Variants in PIWIL4 observed in about 807,000 individuals in gnomAD.
PIWIL4 encodes the protein piwi like RNA-mediated gene silencing 4.
Under a neutral mutation model 100.9 loss-of-function variants are expected in PIWIL4, and 50 were observed. The ratio of observed to expected loss-of-function variants is 0.50; its 90% CI spans 0.39 to 0.63. The LOEUF (loss-of-function observed/expected upper bound fraction) is 0.63, where lower values mean the gene tolerates loss of function less well. Ranked by LOEUF, PIWIL4 falls within the 20% of genes least tolerant of loss-of-function variation. PIWIL4 has a pLI of 0.00. For synonymous variants in PIWIL4, 342 were observed against 367.5 expected (o/e 0.93, Z 0.79); for missense variants, 887 against 1,043.3 (o/e 0.85, Z 2.06).
At chr11:94,580,938 G>A (rs11824838) in intron 4 of PIWIL4, among the ~76,000 whole-genome samples, 1 of 134,598 alleles carries the variant, frequency 7.4e-6, no homozygotes. Flanking sequence ...TGCTCTTGTC[G>A]CCCAGGCTGG....
At chr11:94,595,177 G>A (rs1417391922) in intron 9 of PIWIL4, 132 bp from the exon 10 acceptor site, 6 of 638,582 alleles carry the variant, frequency 9.4e-6, no homozygotes, top group East Asian at 2.7e-5. Flanking sequence ...AATGACATAC[G>A]TGGTTTTCAT....
intron 11 of PIWIL4, among the ~76,000 whole-genome samples, chr11:94,598,277 C>A (rs188389557): frequency 6.6e-6 from 1 of 152,286 alleles, no homozygotes; most frequent in African/African-American, 2.4e-5. Context: ...TTTTCTGATA[C>A]CAAAACTGAG....
chr11:94,601,308 T>C (rs960355262), intron 11 of PIWIL4, among the ~76,000 whole-genome samples: 1 of 152,112 alleles, frequency 6.6e-6, no homozygotes, highest in Non-Finnish European at 1.5e-5. Flanking sequence ...AGTCCCTCCG[T>C]TTGGGGTCCC....
At chr11:94,578,246 G>A (rs1211195340) in intron 4 of PIWIL4, among the ~76,000 whole-genome samples, 1 of 152,114 alleles carries the variant, frequency 6.6e-6, no homozygotes, top group African/African-American at 2.4e-5. Flanking sequence ...AATGCTTCAG[G>A]ATCTTAATAC....
In PIWIL4 at chr11:94,583,521, C is replaced by T. The variant is rs879246299; in HGVS notation, c.587C>T (p.Pro196Leu). 1.2e-6 allele frequency: 2 copies of T among 1,614,020 alleles called. No homozygotes were observed. The highest frequency in any genetic ancestry group is 1.1e-5 in the South Asian group (1 of 91,086). The change falls in exon 5 of 20, where the codon CCA becomes CTA. Residue 196 changes from proline to leucine, a missense_variant. By Grantham distance (98) the Pro-to-Leu change is moderately conservative. Transcript: ENST00000299001. The stretch of plus-strand genomic sequence containing the variant: ...ACTATCACCCTGAAGAGGGAGCTGC[C>T]ATCAAGTTCTCCCGTGTGCATCCAG... ...KMTITLKRELPSSSPVCIQVF... is the reference protein window; with the variant it reads ...KMTITLKRELLSSSPVCIQVF...
chr11:94,604,084 T>C lies in PIWIL4; in HGVS notation c.1638+28T>C, dbSNP rs146207727. The C allele has an allele frequency of 3.6e-5, 52 of 1,443,680 alleles. No homozygotes were observed. The African/African-American group carries it at 6.4e-4, about 18-fold the overall frequency. 89.4% of individuals were successfully genotyped at this position (1,443,680 alleles called of 1,614,324 possible). ...AAGTACAGGATACTTTTTGAACTCC[T>C]TTAATCTATAATTTTAGTTCTGCTT... On this transcript the variant is annotated intron_variant, in intron 13 of 19. Transcript: ENST00000299001.
chr11:94,608,401 TTC>T, intron 14 of PIWIL4, 180 bp from the exon 15 acceptor site: 1 of 567,530 alleles, frequency 1.8e-6, no homozygotes, highest in Non-Finnish European at 3.1e-6. Flanking sequence ...TCTTCCTGCC[TTC>T]TTTAAGTCTC....
Position 94,573,419 on chromosome 11 carries a change from G to T in PIWIL4, c.167-1580G>T, listed in dbSNP as rs549013954. On this transcript the variant is annotated intron_variant, in intron 2 of 19. Transcript: ENST00000299001. ...TTGCCCCTTCAGTATGATATTGGCTGTGGGTTTGTCATAGATAGCTCTTAT... is the reference window on the plus strand; with the variant it reads ...TTGCCCCTTCAGTATGATATTGGCTTTGGGTTTGTCATAGATAGCTCTTAT... Among the ~76,000 whole-genome samples the T allele has an allele frequency of 1.2e-3, 188 of 152,318 alleles. 3 individuals carry two copies. The highest frequency in any genetic ancestry group is 4.4e-3 in the African/African-American group (184 of 41,564).
At chr11:94,590,747 G>A (rs1287127238) in intron 8 of PIWIL4, among the ~76,000 whole-genome samples, 2 of 152,018 alleles carry the variant, frequency 1.3e-5, no homozygotes, top group African/African-American at 4.8e-5. Context: ...TCCTTTATCC[G>A]TGAATTTTCT....
At chr11:94,595,773 G>A (rs1211580385) in intron 10 of PIWIL4, among the ~76,000 whole-genome samples, 1 of 152,084 alleles carries the variant, frequency 6.6e-6, no homozygotes, top group East Asian at 1.9e-4. Flanking sequence ...AAAACACCAG[G>A]CCCCCAGTAT....
intron 15 of PIWIL4, among the ~76,000 whole-genome samples, chr11:94,611,645 C>T (rs1420362730): frequency 2.6e-5 from 4 of 152,112 alleles, no homozygotes; most frequent in African/African-American, 9.7e-5. Context: ...AGATTGCCCT[C>T]CCCATGGTAA....
chr11:94,585,487 C>T lies in PIWIL4; in HGVS notation c.678C>T (p.Phe226=). The change falls in exon 6 of 20, where the codon TTC becomes TTT. Residue 226 remains phenylalanine, a synonymous_variant. Coordinates refer to ENST00000299001, the MANE Select transcript of PIWIL4 (RefSeq NM_152431.3). ...CCATGTACCAAATTGGACGGAACTT[C>T]TATAATCCTTCAGAGCCAATGGAAA... ...KLSMYQIGRN[F]YNPSEPMEIP... 6.2e-7 allele frequency: 1 copy of T among 1,610,458 alleles called. No homozygotes were observed. Among genetic ancestry groups the T allele is most frequent in the Non-Finnish European group, 8.5e-7 (1 of 1,178,910 alleles).
chr11:94,608,465 A>G (rs1474736612), intron 14 of PIWIL4, 118 bp from the exon 15 acceptor site: 3 of 813,466 alleles, frequency 3.7e-6, no homozygotes, highest in Non-Finnish European at 6.1e-6. Flanking sequence ...TCCCTTACAC[A>G]TAGCTTAACT....
chr11:94,595,517 G>A, intron 10 of PIWIL4, 91 bp downstream of exon 10: 1 of 1,018,096 alleles, frequency 9.8e-7, no homozygotes, highest in South Asian at 1.5e-5. Flanking sequence ...AAGGAAATGT[G>A]TCATTCATAT....
intron 2 of PIWIL4, among the ~76,000 whole-genome samples, chr11:94,572,996 G>T (rs1948181142): frequency 6.6e-6 from 1 of 152,154 alleles, no homozygotes; most frequent in Non-Finnish European, 1.5e-5. Context: ...CCTTGAAGAG[G>T]TCATTCACAT....
At chr11:94,618,241 G>A (rs1434563519) in intron 17 of PIWIL4, 134 bp downstream of exon 17, 3 of 835,430 alleles carry the variant, frequency 3.6e-6, no homozygotes, top group African/African-American at 3.5e-5. Context: ...TATCATGCCA[G>A]TAGAGCTCTA....
chr11:94,618,797 C>T (rs1948874009), intron 17 of PIWIL4, among the ~76,000 whole-genome samples: 1 of 152,214 alleles, frequency 6.6e-6, no homozygotes, highest in African/African-American at 2.4e-5. Context: ...AGGGTTACAT[C>T]ATCATCATCA....
chr11:94,568,607 C>T, intron 1 of PIWIL4, 123 bp from the exon 2 acceptor site: 2 of 688,074 alleles, frequency 2.9e-6, no homozygotes, highest in Non-Finnish European at 5.1e-6. Context: ...AAGGGTTTTA[C>T]CTGTTAACAT....
Position 94,607,679 on chromosome 11 carries a change from A to G in PIWIL4, c.1839+40A>G, listed in dbSNP as rs1014056727. On this transcript the variant is annotated intron_variant, in intron 14 of 19. Coordinates refer to ENST00000299001, the MANE Select transcript of PIWIL4 (RefSeq NM_152431.3). Reference sequence around the variant, plus strand: ...ACATTTTTTCTATTAGTAATTAATAAATTTATTTTAAAGATTAAAGTAGGA... The same window carrying G: ...ACATTTTTTCTATTAGTAATTAATAGATTTATTTTAAAGATTAAAGTAGGA... 2.6e-6 allele frequency: 4 copies of G among 1,540,668 alleles called. No homozygotes were observed. The African/African-American group carries it at 5.6e-5, about 22-fold the overall frequency.
Sources: gnomAD v4.1 joint callset for allele counts (sites outside exome capture counted in the v4.1 genomes callset) on GRCh38, gnomAD v4.1.1 for gene constraint, MANE v1.5 for transcripts, NCBI Gene and HGNC (gene_info 2026-07-23, HGNC 2026-07-21) for gene names.